The following CTNNA1 variants were observed in gnomAD, a reference collection of about 807,000 sequenced individuals.
CTNNA1 encodes the protein catenin alpha 1, also known as catenin alpha-1.
In CTNNA1, 37 loss-of-function variants were observed where a neutral mutation model predicts 98.4. The ratio of observed to expected loss-of-function variants is 0.38; its 90% CI spans 0.29 to 0.49. The LOEUF (loss-of-function observed/expected upper bound fraction) is 0.49. Ranked by LOEUF, CTNNA1 falls within the 20% of genes least tolerant of loss-of-function variation. The pLI is 0.95. For missense variants in CTNNA1, 761 were observed against 1,147.2 expected, an observed-to-expected ratio of 0.66 and a Z score of 4.86; for synonymous variants, 404 against 413.2, an observed-to-expected ratio of 0.98 and a Z score of 0.27.
rs1581119483 is a variant in CTNNA1 at position 138,812,244 on chromosome 5, A to G, written c.530A>G (p.Tyr177Cys). Residue 177 changes from tyrosine to cysteine, a missense_variant, in exon 5 of 18, where the codon TAT becomes TGT. Physicochemically the swap from Tyr to Cys is radical, Grantham distance 194 (BLOSUM62 -2). Around this residue, in one of 6 missense-constraint regions of CTNNA1, gnomAD observed 328 missense variants for 354.3 expected, o/e 0.93. Coordinates refer to ENST00000302763, the MANE Select transcript of CTNNA1 (RefSeq NM_001903.5). ...AATGAACAAGACTTAGGAATCCAGT[A>G]TAAAGCCCTAAAACCTGAAGTGGAT... ...AGNEQDLGIQYKALKPEVDKL... is the reference protein window; with the variant it reads ...AGNEQDLGIQCKALKPEVDKL... 1 of 1,613,964 alleles carries G rather than the reference A, an allele frequency of 6.2e-7. No individual in the cohort carries two copies. The highest frequency in any genetic ancestry group is 1.1e-5 in the South Asian group (1 of 91,072).
At chr5:138,771,899 A>C (rs1753595863) in intron 1 of CTNNA1, among the ~76,000 whole-genome samples, 1 of 152,074 alleles carries the variant, frequency 6.6e-6, no homozygotes, top group Non-Finnish European at 1.5e-5. Context: ...GAACCATCCT[A>C]ACATTTCATT....
At chr5:138,923,512 G>A (rs2150279001) in intron 11 of CTNNA1, among the ~76,000 whole-genome samples, 1 of 152,176 alleles carries the variant, frequency 6.6e-6, no homozygotes, top group Middle Eastern at 3.4e-3. Flanking sequence ...CCCTGGAAAG[G>A]TGTTTTTTGT....
intron 5 of CTNNA1, among the ~76,000 whole-genome samples, chr5:138,819,972 A>G (rs555390896): frequency 7.3e-5 from 11 of 151,522 alleles, no homozygotes; most frequent in Non-Finnish European, 1.2e-4. Flanking sequence ...GCCATGTAAG[A>G]TATGATTCCT....
At chr5:138,847,592 A>C (rs1243659840) in intron 7 of CTNNA1, among the ~76,000 whole-genome samples, 1 of 152,166 alleles carries the variant, frequency 6.6e-6, no homozygotes, top group African/African-American at 2.4e-5. Context: ...GAGAAACCTG[A>C]TGGTGGGATT....
At chr5:138,776,916 C>T (rs1416650248) in intron 1 of CTNNA1, among the ~76,000 whole-genome samples, 2 of 136,284 alleles carry the variant, frequency 1.5e-5, no homozygotes, top group African/African-American at 5.6e-5. Context: ...CCCCCACCTC[C>T]CTCCCGGACG....
At chr5:138,910,634 C>T (rs1305927036) in intron 10 of CTNNA1, among the ~76,000 whole-genome samples, 2 of 151,832 alleles carry the variant, frequency 1.3e-5, no homozygotes, top group African/African-American at 2.4e-5. Context: ...TTTAGCTGCC[C>T]CACAGATTTT....
intron 1 of CTNNA1, among the ~76,000 whole-genome samples, chr5:138,772,413 G>A (rs1021945721): frequency 3.3e-5 from 5 of 152,186 alleles, no homozygotes; most frequent in African/African-American, 1.2e-4. Flanking sequence ...GGAGTGCTCT[G>A]TAAGTTAATT....
intron 16 of CTNNA1, chr5:138,932,084 T>C (rs1765475523): frequency 1.0e-6 from 1 of 986,126 alleles, no homozygotes; most frequent in South Asian, 4.7e-5. Flanking sequence ...CAGCCTGCAG[T>C]GAGTGGCTTT....
chr5:138,825,580 G>A lies in CTNNA1; in HGVS notation c.858+781G>A, dbSNP rs556728891. On this transcript the variant is annotated intron_variant, in intron 6 of 17. Coordinates refer to ENST00000302763, the MANE Select transcript of CTNNA1 (RefSeq NM_001903.5). Reference sequence around the variant, plus strand: ...ACAGAAATTGTGTTCCAGGTGACCAGCATCCTTTCATAAAGTAGGGATGCT... The same window carrying A: ...ACAGAAATTGTGTTCCAGGTGACCAACATCCTTTCATAAAGTAGGGATGCT... 2.1e-5 allele frequency among the ~76,000 whole-genome samples: 3 copies of A among 142,312 alleles called. No individual in the cohort carries two copies. In the South Asian group the frequency reaches 6.7e-4, roughly 32 times the overall value. The allele number at this position is 142,312 out of a possible 152,430, so 93.4% of individuals were successfully genotyped here. A position where few individuals can be genotyped will look rare whatever the true frequency, so the allele number is the denominator to read the frequency against.
rs368467864 is a variant in CTNNA1, at chr5:138,765,779, T to C, written c.-3+12269T>C. On this transcript the variant is annotated intron_variant, in intron 1 of 17. Transcript: ENST00000302763. Reference sequence around the variant, plus strand: ...TACTGGCCAACATGGTGAAACCCCATCTCTACTAAAAATATAAAAATTAGC... The same window carrying C: ...TACTGGCCAACATGGTGAAACCCCACCTCTACTAAAAATATAAAAATTAGC... 3.6e-4 allele frequency among the ~76,000 whole-genome samples: 55 copies of C among 151,716 alleles called. No homozygotes were observed. The East Asian group carries it at 7.9e-3, about 22-fold the overall frequency.
chr5:138,753,614 C>T (rs1349371882), intron 1 of CTNNA1, 104 bp downstream of exon 1: 9 of 320,348 alleles, frequency 2.8e-5, no homozygotes, highest in Admixed American at 5.1e-5. Flanking sequence ...CGCGGGCGGG[C>T]GAGCGGGCGG....
chr5:138,916,028 G>A (rs143855442), intron 10 of CTNNA1, among the ~76,000 whole-genome samples: 16 of 152,136 alleles, frequency 1.1e-4, no homozygotes, highest in South Asian at 6.2e-4. Context: ...CAGCCTGGGC[G>A]ACAGAGAAAG....
chr5:138,934,867 G>GTAAT lies in CTNNA1; in HGVS notation c.*780_*783dup, dbSNP rs1766209570. 6.6e-6 allele frequency: 1 copy of GTAAT among 152,420 alleles called. No individual in the cohort carries two copies. Among genetic ancestry groups the GTAAT allele is most frequent in the African/African-American group, 2.4e-5 (1 of 41,302 alleles). The allele number at this position is 152,420 out of a possible 1,614,324, so 9.4% of individuals were successfully genotyped here. ...TGACAACATAGTGTTTGCTAAGGCAGTAATTTAGACTTTACCTTATTTGTG... is the reference window on the plus strand; with the variant it reads ...TGACAACATAGTGTTTGCTAAGGCAGTAATTAATTTAGACTTTACCTTATTTGTG... On this transcript the variant is annotated 3_prime_UTR_variant, in exon 18 of 18. Coordinates refer to ENST00000302763, the MANE Select transcript of CTNNA1 (RefSeq NM_001903.5).
At chr5:138,765,907 C>T (rs1752877774) in intron 1 of CTNNA1, among the ~76,000 whole-genome samples, 1 of 147,082 alleles carries the variant, frequency 6.8e-6, no homozygotes, top group Non-Finnish European at 1.5e-5. Flanking sequence ...CAAGATCGCG[C>T]CACTGCACTC....
chr5:138,854,122 G>T (rs1323987443), intron 7 of CTNNA1, among the ~76,000 whole-genome samples: 2 of 152,168 alleles, frequency 1.3e-5, no homozygotes, highest in Non-Finnish European at 2.9e-5. Flanking sequence ...TTTCGTACTT[G>T]TAAGTAGTTT....
intron 1 of CTNNA1, among the ~76,000 whole-genome samples, chr5:138,769,045 TTTTC>T (rs1281625062): frequency 6.6e-5 from 10 of 152,014 alleles, no homozygotes; most frequent in Admixed American, 3.3e-4. Context: ...TTCTTTCTTG[TTTTC>T]TTTCTTTTTT....
chr5:138,928,316 TAAAGC>T (rs537306721), intron 13 of CTNNA1, among the ~76,000 whole-genome samples: 2 of 152,160 alleles, frequency 1.3e-5, no homozygotes, highest in South Asian at 4.1e-4. Flanking sequence ...ATTTCATAAT[TAAAGC>T]AAAGAGCTAG....
chr5:138,820,056 A>T (rs936424294), intron 5 of CTNNA1, among the ~76,000 whole-genome samples: 7 of 92,076 alleles, frequency 7.6e-5, no homozygotes, highest in Non-Finnish European at 1.4e-4. Context: ...ACCGCCAGCC[A>T]TGCTTCCTGT....
chr5:138,869,195 T>C (rs1192405535), intron 7 of CTNNA1: 1 of 147,120 alleles, frequency 6.8e-6, no homozygotes, highest in Non-Finnish European at 1.5e-5. Context: ...AAAAAACCGC[T>C]AAGGACAAAA....
Sources: gnomAD v4.1 joint callset for allele counts (sites outside exome capture counted in the v4.1 genomes callset) on GRCh38, gnomAD v4.1.1 for gene constraint, gnomAD v4.1.1 regional missense constraint, MANE v1.5 for transcripts, NCBI Gene and HGNC (gene_info 2026-07-23, HGNC 2026-07-21) for gene names.